The following CHCHD3 variants were observed in gnomAD, a reference collection of about 807,000 sequenced individuals.
The protein encoded by CHCHD3 is coiled-coil-helix-coiled-coil-helix domain containing 3, also known as MICOS complex subunit MIC19.
In CHCHD3, 20 loss-of-function variants were observed where a neutral mutation model predicts 38.2. The observed-to-expected ratio is 0.52, with a 90% CI of 0.37 to 0.76. CHCHD3 has a LOEUF of 0.76. CHCHD3 is among the 30% of genes least tolerant of loss of function. The pLI is 0.00. For missense variants in CHCHD3, 245 were observed against 279.2 expected, an observed-to-expected ratio of 0.88 and a Z score of 0.87; for synonymous variants, 82 against 100.0, an observed-to-expected ratio of 0.82 and a Z score of 1.07.
chr7:132,871,769 G>C (rs980805788), intron 5 of CHCHD3, among the ~76,000 whole-genome samples: 7 of 152,276 alleles, frequency 4.6e-5, no homozygotes, highest in Middle Eastern at 3.4e-3. Context: ...GTGTGTCACA[G>C]GTACCTACCA....
intron 4 of CHCHD3, among the ~76,000 whole-genome samples, chr7:132,933,692 T>G (rs1018639292): frequency 1.3e-5 from 2 of 152,198 alleles, no homozygotes; most frequent in African/African-American, 4.8e-5. Context: ...CTAGATGTCA[T>G]CTGATCCAAT....
rs183691145 is a variant in CHCHD3 at position 132,937,742 on chromosome 7, G to T, written c.369+37427C>A. On this transcript the variant is annotated intron_variant, in intron 4 of 7. Transcript: ENST00000262570. ...ACACTTAGGCTGTGGCTGGCAATTA[G>T]CAGTGTTAGTTAATATAATCCAACG... Among the ~76,000 whole-genome samples, 9 of 152,274 alleles carry T rather than the reference G, an allele frequency of 5.9e-5. No homozygotes were observed. The East Asian group carries it at 1.7e-3, about 29-fold the overall frequency.
chr7:132,972,505 T>C, intron 4 of CHCHD3: 1 of 834,254 alleles, frequency 1.2e-6, no homozygotes, highest in Non-Finnish European at 1.4e-6. Flanking sequence ...TATCCCTTTG[T>C]ATTTATTTTC....
At chr7:132,955,540 TTG>T (rs1259257868) in intron 4 of CHCHD3, among the ~76,000 whole-genome samples, 1 of 148,714 alleles carries the variant, frequency 6.7e-6, no homozygotes, top group African/African-American at 2.5e-5. Context: ...TTGGGGTTTT[TTG>T]TTTTTTTTTT....
intron 6 of CHCHD3, among the ~76,000 whole-genome samples, chr7:132,796,921 T>C (rs1806632774): frequency 1.3e-5 from 2 of 152,148 alleles, no homozygotes; most frequent in Admixed American, 1.3e-4. Flanking sequence ...GGTCACAAAG[T>C]TGGAGATCCC....
At chr7:133,009,129 C>G (rs369155078) in intron 3 of CHCHD3, among the ~76,000 whole-genome samples, 11 of 151,902 alleles carry the variant, frequency 7.2e-5, no homozygotes, top group South Asian at 4.2e-4. Context: ...TTTGGGAGGC[C>G]AAGGCAGGTG....
At chr7:132,796,194 A>G (rs1806606635) in intron 7 of CHCHD3, among the ~76,000 whole-genome samples, 1 of 152,230 alleles carries the variant, frequency 6.6e-6, no homozygotes, top group South Asian at 2.1e-4. Flanking sequence ...AGTGGAAAAA[A>G]GTATAATTGT....
At chr7:132,872,949 A>G (rs1808801670) in intron 5 of CHCHD3, among the ~76,000 whole-genome samples, 2 of 152,022 alleles carry the variant, frequency 1.3e-5, no homozygotes, top group Admixed American at 6.6e-5. Context: ...CAAATTAGCC[A>G]GTCATGGTGG....
chr7:132,951,258 T>C (rs2117287824), intron 4 of CHCHD3, among the ~76,000 whole-genome samples: 1 of 152,300 alleles, frequency 6.6e-6, no homozygotes, highest in South Asian at 2.1e-4. Context: ...CAAAACTAGA[T>C]ACTAACTGTA....
chr7:133,033,453 G>A (rs879661203), intron 2 of CHCHD3, among the ~76,000 whole-genome samples: 13 of 152,016 alleles, frequency 8.6e-5, no homozygotes, highest in Non-Finnish European at 1.5e-4. Context: ...AAGTGGTGCC[G>A]TACTCCTCAA....
rs558491517 is a variant in CHCHD3 at position 132,906,298 on chromosome 7, G to A, written c.370-20553C>T. Among the ~76,000 whole-genome samples, 239 of 152,228 alleles carry A rather than the reference G, an allele frequency of 1.6e-3. 1 individual carries two copies. The highest frequency in any genetic ancestry group is 3.4e-3 in the Middle Eastern group (1 of 294). On this transcript the variant is annotated intron_variant, in intron 4 of 7. Coordinates refer to ENST00000262570, the MANE Select transcript of CHCHD3 (RefSeq NM_017812.4). ...TTTGCACAAAATATTCTAGGCTACA[G>A]TAAACAATTAGTGCTTTTTCTAACC...
intron 1 of CHCHD3, among the ~76,000 whole-genome samples, chr7:133,076,895 C>A (rs574145535): frequency 3.3e-4 from 50 of 152,302 alleles, no homozygotes; most frequent in Non-Finnish European, 6.6e-4. Flanking sequence ...TGTGTCCTAG[C>A]AAATTGATTC....
intron 3 of CHCHD3, among the ~76,000 whole-genome samples, chr7:133,018,839 C>T (rs1198879970): frequency 7.0e-6 from 1 of 142,042 alleles, no homozygotes; most frequent in African/African-American, 2.6e-5. Flanking sequence ...TGAGACTTTA[C>T]TATGTGAAAA....
At chr7:132,848,126 G>A (rs1808126864) in intron 5 of CHCHD3, among the ~76,000 whole-genome samples, 1 of 152,054 alleles carries the variant, frequency 6.6e-6, no homozygotes, top group Non-Finnish European at 1.5e-5. Context: ...TGTCTAAACT[G>A]GTCTATAGTT....
At chr7:132,982,776 G>GAAGAGCTAAGCTGGGTAATTC (rs1811951692) in intron 3 of CHCHD3, among the ~76,000 whole-genome samples, 1 of 152,066 alleles carries the variant, frequency 6.6e-6, no homozygotes, top group African/African-American at 2.4e-5. Flanking sequence ...GAGGCCTACA[G>GAAGAGCTAAGCTGGGTAATTC]AACTTTTAAG....
intron 5 of CHCHD3, among the ~76,000 whole-genome samples, chr7:132,869,914 T>A (rs545964811): frequency 1.3e-5 from 2 of 152,058 alleles, no homozygotes; most frequent in South Asian, 4.2e-4. Flanking sequence ...TAAAATGATA[T>A]GCATGAAAGA....
chr7:133,006,697 C>A (rs1021485485), intron 3 of CHCHD3, among the ~76,000 whole-genome samples: 4 of 151,878 alleles, frequency 2.6e-5, no homozygotes, highest in African/African-American at 7.3e-5. Flanking sequence ...TTTAGTATAA[C>A]CTTTGACCTA....
rs1806388393 is a variant in CHCHD3, at chr7:132,788,897, G to GTGGTACAAAA, written c.661-3247_661-3238dup. On this transcript the variant is annotated intron_variant, in intron 7 of 7. Coordinates refer to ENST00000262570, the MANE Select transcript of CHCHD3 (RefSeq NM_017812.4). The surrounding 1 kb of genome is among the most constrained non-coding windows in gnomAD (Gnocchi z 4.0). ...CACTTGCTACCAAAGGGTGGCAGGG[G>GTGGTACAAAA]TGGTACAAAACCATCTCAATTCTAT... Among the ~76,000 whole-genome samples, 1 of 152,212 alleles carries GTGGTACAAAA rather than the reference G, an allele frequency of 6.6e-6. No homozygotes were observed. The highest frequency in any genetic ancestry group is 1.5e-5 in the Non-Finnish European group (1 of 68,028).
intron 5 of CHCHD3, among the ~76,000 whole-genome samples, chr7:132,852,369 T>A (rs1341903304): frequency 6.6e-6 from 1 of 152,150 alleles, no homozygotes; most frequent in Admixed American, 6.6e-5. Context: ...CAGGTTCAGT[T>A]TGGCTGTCTT....
Sources: allele counts gnomAD v4.1 joint callset (sites outside exome capture counted in the v4.1 genomes callset), GRCh38; gene constraint gnomAD v4.1.1; non-coding constraint Gnocchi (gnomAD v3.1); transcripts MANE v1.5; gene names NCBI Gene and HGNC (gene_info 2026-07-23, HGNC 2026-07-21).